Variants in HTR4 observed in about 807,000 individuals in gnomAD.
HTR4 encodes the protein 5-hydroxytryptamine (serotonin) receptor 4, G protein-coupled.
Under a neutral mutation model 36.8 loss-of-function variants are expected in HTR4, and 16 were observed. That is an observed-to-expected ratio of 0.43 (90% CI 0.29 to 0.66). The LOEUF is 0.66. HTR4 is among the 30% of genes least tolerant of loss of function. HTR4 has a pLI of 0.13. For synonymous variants in HTR4, 189 were observed against 185.1 expected (o/e 1.02, Z -0.17); for missense variants, 438 against 490.9 (o/e 0.89, Z 1.02).
At chr5:148,498,577 C>G (rs139699786) in intron 6 of HTR4, among the ~76,000 whole-genome samples, 2,033 of 152,202 alleles carry the variant, frequency 0.013, 23 homozygotes, top group Middle Eastern at 0.048. Context: ...TCAAGGAATA[C>G]TTGATATAAC....
intron 2 of HTR4, among the ~76,000 whole-genome samples, chr5:148,569,375 A>G (rs933089449): frequency 2.0e-4 from 31 of 152,046 alleles, no homozygotes; most frequent in African/African-American, 7.5e-4. Context: ...GGAGAAGGGG[A>G]GTATCAGGAA....
chr5:148,594,474 T>C (rs1761694815), intron 2 of HTR4, among the ~76,000 whole-genome samples: 1 of 151,996 alleles, frequency 6.6e-6, no homozygotes, highest in Non-Finnish European at 1.5e-5. Flanking sequence ...TAAAGATAAT[T>C]TAGTTCAATA....
At chr5:148,551,868 T>C (rs888971538) in intron 2 of HTR4, among the ~76,000 whole-genome samples, 6 of 152,182 alleles carry the variant, frequency 3.9e-5, no homozygotes, top group African/African-American at 7.2e-5. Context: ...TAGACAAGTT[T>C]GTCCTAGACC....
intron 1 of HTR4, among the ~76,000 whole-genome samples, chr5:148,646,887 T>C (rs1288962640): frequency 6.6e-6 from 1 of 152,204 alleles, no homozygotes; most frequent in Non-Finnish European, 1.5e-5. Context: ...TTTTAACTAC[T>C]AAGTTATCCC....
At chr5:148,546,375 C>T (rs768864398) in intron 4 of HTR4, among the ~76,000 whole-genome samples, 4 of 152,170 alleles carry the variant, frequency 2.6e-5, no homozygotes, top group Non-Finnish European at 5.9e-5. Context: ...AAGGCTTAAT[C>T]ACTTATTCCC....
chr5:148,628,882 C>T (rs1753216272), intron 2 of HTR4: 1 of 152,122 alleles, frequency 6.6e-6, no homozygotes, highest in African/African-American at 2.4e-5. Flanking sequence ...GACAAAAAGA[C>T]ACAGTCTTAC....
chr5:148,521,184 T>C (rs1378769767), intron 5 of HTR4, among the ~76,000 whole-genome samples: 4 of 152,196 alleles, frequency 2.6e-5, no homozygotes, highest in African/African-American at 7.2e-5. Context: ...TTGATCTTCA[T>C]TGTAAGTTTA....
intron 4 of HTR4, among the ~76,000 whole-genome samples, chr5:148,531,011 T>C (rs935016414): frequency 1.3e-5 from 2 of 152,222 alleles, no homozygotes; most frequent in Non-Finnish European, 2.9e-5. Context: ...ATTTACCCAA[T>C]GCCTATACCC....
At chr5:148,590,306 T>C (rs1379842490) in intron 2 of HTR4, among the ~76,000 whole-genome samples, 9 of 130,928 alleles carry the variant, frequency 6.9e-5, no homozygotes, top group African/African-American at 2.7e-4. Context: ...TTTTTTTTTT[T>C]TTTTTTTTTG....
chr5:148,544,775 A>G (rs1759307330), intron 4 of HTR4, among the ~76,000 whole-genome samples: 1 of 152,242 alleles, frequency 6.6e-6, no homozygotes, highest in South Asian at 2.1e-4. Context: ...GGGAGTTGGG[A>G]AAATGCATTT....
chr5:148,596,659 G>T (rs1761789131), intron 2 of HTR4, among the ~76,000 whole-genome samples: 1 of 151,424 alleles, frequency 6.6e-6, no homozygotes, highest in Non-Finnish European at 1.5e-5. Context: ...TCTAGACATT[G>T]CCAAATGTCC....
chr5:148,650,442 G>C (rs1259497262), intron 1 of HTR4, among the ~76,000 whole-genome samples: 2 of 152,172 alleles, frequency 1.3e-5, no homozygotes, highest in African/African-American at 4.8e-5. Context: ...CTATTTGGTA[G>C]CCATTTACAT....
intron 5 of HTR4, among the ~76,000 whole-genome samples, chr5:148,514,946 G>A (rs1417363534): frequency 6.6e-6 from 1 of 151,868 alleles, no homozygotes; most frequent in Non-Finnish European, 1.5e-5. Flanking sequence ...CTTACAAGCA[G>A]CATATATTTG....
At chr5:148,583,700 G>A (rs1321377567) in intron 2 of HTR4, among the ~76,000 whole-genome samples, 1 of 151,924 alleles carries the variant, frequency 6.6e-6, no homozygotes, top group Non-Finnish European at 1.5e-5. Context: ...GTGTCCAGTA[G>A]CACCTACCAC....
chr5:148,460,992 T>TCA (rs1163325532), intron 5 of HTR4, among the ~76,000 whole-genome samples: 9 of 152,016 alleles, frequency 5.9e-5, no homozygotes, highest in Non-Finnish European at 1.0e-4. Flanking sequence ...GGAATTATGA[T>TCA]TATTTTGTCA....
At chr5:148,477,818 A>G (rs1230088539), downstream of HTR4, among the ~76,000 whole-genome samples, 1 of 152,120 alleles carries the variant, frequency 6.6e-6, no homozygotes, top group Admixed American at 6.5e-5. Context: ...TTCCTGCCCT[A>G]GTGCATTTGT....
At chr5:148,548,277 C>G (rs1048347712) in intron 4 of HTR4, among the ~76,000 whole-genome samples, 1 of 152,182 alleles carries the variant, frequency 6.6e-6, no homozygotes, top group African/African-American at 2.4e-5. Context: ...AAACATAGGG[C>G]ATTTTCATTC....
rs536096863 is a variant in HTR4, at chr5:148,557,569, G to A, written c.27-7307C>T. On this transcript the variant is annotated intron_variant, in intron 2 of 6. Transcript: ENST00000377888. Reference sequence around the variant, plus strand: ...ACTTCTATGGGATTTAGAGAACTGAGGAAGGATGTGATCACCCAAGAAGAG... The same window carrying A: ...ACTTCTATGGGATTTAGAGAACTGAAGAAGGATGTGATCACCCAAGAAGAG... 5.9e-5 allele frequency among the ~76,000 whole-genome samples: 9 copies of A among 151,992 alleles called. No homozygotes were observed. In the East Asian group the frequency reaches 1.7e-3, roughly 30 times the overall value.
At position 148,604,763 on chromosome 5, in the gene HTR4, G is replaced by A. The variant is rs552902358; in HGVS notation, c.26+32226C>T. 4.3e-4 allele frequency among the ~76,000 whole-genome samples: 66 copies of A among 152,304 alleles called. 2 individuals are homozygous for A. The highest frequency in any genetic ancestry group is 2.9e-4 in the Non-Finnish European group (20 of 68,022). ...GGCCAGACACTAAACAATATAGAATGTATGATTCAATGTATATGAAATTCA... is the reference window on the plus strand; with the variant it reads ...GGCCAGACACTAAACAATATAGAATATATGATTCAATGTATATGAAATTCA... On this transcript the variant is annotated intron_variant, in intron 2 of 6. Transcript: ENST00000377888.
Sources: gnomAD v4.1 joint callset for allele counts (sites outside exome capture counted in the v4.1 genomes callset) on GRCh38, gnomAD v4.1.1 for gene constraint, MANE v1.5 for transcripts, NCBI Gene and HGNC (gene_info 2026-07-23, HGNC 2026-07-21) for gene names.